CDKAL1: variants seen among roughly 807,000 people sequenced by gnomAD.
The protein encoded by CDKAL1 is threonylcarbamoyladenosine tRNA methylthiotransferase.
Under a neutral mutation model 68.2 loss-of-function variants are expected in CDKAL1, and 32 were observed. That is an observed-to-expected ratio of 0.47 (90% CI 0.35 to 0.63). The LOEUF (loss-of-function observed/expected upper bound fraction) is 0.63, where lower values mean the gene tolerates loss of function less well. Among genes scored for constraint, CDKAL1 ranks in the 30% least tolerant of loss-of-function variants. The probability of loss-of-function intolerance (pLI) is 0.00; values close to 1 mark genes in which losing one functional copy is unlikely to be tolerated. For missense variants in CDKAL1, 606 were observed against 696.7 expected (o/e 0.87, Z 1.47); for synonymous variants, 234 against 244.3 (o/e 0.96, Z 0.39).
chr6:20,984,844 G>A (rs1766366653), intron 10 of CDKAL1, among the ~76,000 whole-genome samples: 1 of 151,302 alleles, frequency 6.6e-6, no homozygotes, highest in South Asian at 2.1e-4. Context: ...GGGTGGTTTT[G>A]GAAAGGACAA....
At chr6:20,695,941 CCTT>C in intron 5 of CDKAL1, among the ~76,000 whole-genome samples, 1 of 152,302 alleles carries the variant, frequency 6.6e-6, no homozygotes, top group South Asian at 2.1e-4. Context: ...CCCCATTCCT[CCTT>C]TCTTCCAATC....
chr6:20,611,943 T>A, intron 4 of CDKAL1, among the ~76,000 whole-genome samples: 1 of 152,210 alleles, frequency 6.6e-6, no homozygotes, highest in East Asian at 1.9e-4. Flanking sequence ...TCTATTATTC[T>A]ATTCTCTACC....
At chr6:20,916,310 G>A (rs1762721810) in intron 9 of CDKAL1, among the ~76,000 whole-genome samples, 2 of 152,176 alleles carry the variant, frequency 1.3e-5, no homozygotes, top group Admixed American at 1.3e-4. Flanking sequence ...GGGAACCTGG[G>A]TGAAGAATGC....
intron 5 of CDKAL1, among the ~76,000 whole-genome samples, chr6:20,705,030 G>T (rs1026264776): frequency 1.7e-4 from 26 of 152,212 alleles, no homozygotes; most frequent in African/African-American, 5.8e-4. Context: ...GGGGAGAATA[G>T]AAGTAGAATG....
chr6:20,772,695 T>A (rs950908907), intron 7 of CDKAL1: 1 of 152,234 alleles, frequency 6.6e-6, no homozygotes, highest in African/African-American at 2.4e-5. Context: ...CATCTTTCCA[T>A]GTTCTCTTCC....
At chr6:21,171,222 C>CT (rs1195938743) in intron 13 of CDKAL1, among the ~76,000 whole-genome samples, 3 of 151,704 alleles carry the variant, frequency 2.0e-5, no homozygotes, top group Non-Finnish European at 2.9e-5. Context: ...CAAGTTACTT[C>CT]TTTTTTTTGA....
At chr6:20,783,008 G>C (rs1215107035) in intron 8 of CDKAL1, among the ~76,000 whole-genome samples, 1 of 151,956 alleles carries the variant, frequency 6.6e-6, no homozygotes, top group East Asian at 1.9e-4. Flanking sequence ...TTGGCTCACT[G>C]CAACCTCTGC....
chr6:20,847,752 AAGAC>A (rs777578522), intron 9 of CDKAL1, among the ~76,000 whole-genome samples: 82 of 152,166 alleles, frequency 5.4e-4, no homozygotes, highest in Non-Finnish European at 9.6e-4. Context: ...AGAAAAAAAG[AAGAC>A]AGAACAGAAA....
chr6:20,589,599 G>A lies in CDKAL1; in HGVS notation c.286+40894G>A, dbSNP rs113256575. On this transcript the variant is annotated intron_variant, in intron 4 of 15. Coordinates refer to ENST00000274695, the MANE Select transcript of CDKAL1 (RefSeq NM_017774.3). ...GTTTGATTAGAAAATGATTCATTACGTGCCTTTCAGCTCTTTAGGAAAGTG... is the reference window on the plus strand; with the variant it reads ...GTTTGATTAGAAAATGATTCATTACATGCCTTTCAGCTCTTTAGGAAAGTG... 6.0e-3 allele frequency among the ~76,000 whole-genome samples: 909 copies of A among 152,242 alleles called. 8 individuals are homozygous for A. Among genetic ancestry groups the A allele is most frequent in the African/African-American group, 0.02 (842 of 41,532 alleles).
At chr6:20,596,213 T>C (rs545304425) in intron 4 of CDKAL1, among the ~76,000 whole-genome samples, 28 of 152,292 alleles carry the variant, frequency 1.8e-4, no homozygotes, top group Non-Finnish European at 3.2e-4. Context: ...TGCTGCCCTC[T>C]TCAGAGCCGG....
intron 15 of CDKAL1, among the ~76,000 whole-genome samples, chr6:21,205,600 G>C (rs528839459): frequency 3.0e-4 from 46 of 151,642 alleles, no homozygotes; most frequent in African/African-American, 9.7e-4. Flanking sequence ...GCCTGATCTC[G>C]GCTCACTGTA....
intron 13 of CDKAL1, among the ~76,000 whole-genome samples, chr6:21,165,913 A>C (rs1194421022): frequency 6.6e-6 from 1 of 152,206 alleles, no homozygotes; most frequent in Non-Finnish European, 1.5e-5. Flanking sequence ...TTCTGTGATT[A>C]GGAGGTGATT....
intron 4 of CDKAL1, among the ~76,000 whole-genome samples, chr6:20,619,638 G>A (rs1272498251): frequency 1.3e-5 from 2 of 151,990 alleles, no homozygotes; most frequent in Non-Finnish European, 2.9e-5. Context: ...AATTTGACTG[G>A]CAATTCTTCC....
intron 11 of CDKAL1, among the ~76,000 whole-genome samples, chr6:21,029,036 A>T (rs542957824): frequency 6.6e-6 from 1 of 151,818 alleles, no homozygotes; most frequent in South Asian, 2.1e-4. Context: ...GATGTCATTA[A>T]CCTCTCTTTT....
chr6:20,681,643 G>A (rs1486636613), intron 5 of CDKAL1, among the ~76,000 whole-genome samples: 7 of 152,142 alleles, frequency 4.6e-5, no homozygotes, highest in Admixed American at 4.6e-4. Flanking sequence ...AATGTTAGTA[G>A]ATGGTCTTGG....
intron 12 of CDKAL1, among the ~76,000 whole-genome samples, chr6:21,106,744 A>G (rs1582209826): frequency 6.6e-6 from 1 of 152,352 alleles, no homozygotes; most frequent in Non-Finnish European, 1.5e-5. Context: ...ACTATTTGAC[A>G]TAAGGAACTT....
chr6:20,992,208 A>ATATATATATATATATATGTATG (rs200094831), intron 10 of CDKAL1, among the ~76,000 whole-genome samples: 18 of 144,558 alleles, frequency 1.2e-4, no homozygotes, highest in African/African-American at 5.1e-4. Context: ...ATATATATAT[A>ATATATATATATATATATGTATG]TATGTATTTT....
At chr6:20,654,720 C>G (rs1169407067) in intron 5 of CDKAL1, among the ~76,000 whole-genome samples, 4 of 152,070 alleles carry the variant, frequency 2.6e-5, no homozygotes, top group Admixed American at 6.6e-5. Context: ...TCTATTCTTT[C>G]TTCTTTTATC....
At position 21,198,029 on chromosome 6, in the gene CDKAL1, A is replaced by C. The variant is rs1778539510; in HGVS notation, c.1308A>C (p.Glu436Asp). 6.3e-7 allele frequency: 1 copy of C among 1,599,186 alleles called. No individual in the cohort carries two copies. The highest frequency in any genetic ancestry group is 1.7e-5 in the Admixed American group (1 of 58,772). Reference sequence around the variant, plus strand: ...TCCCCTTCTCTCCACAGATTGGTGAAAGACAACAAGTGTTAGTAACAGAAG... The same window carrying C: ...TCCCCTTCTCTCCACAGATTGGTGACAGACAACAAGTGTTAGTAACAGAAG... ...SYSPYDHKIG[E>D]RQQVLVTEES... is the part of the protein sequence containing the mutation. Residue 436 changes from glutamate to aspartate, a missense_variant, in exon 14 of 16, where the codon GAA (glutamate) becomes GAC (aspartate). Coordinates refer to ENST00000274695, the MANE Select transcript of CDKAL1 (RefSeq NM_017774.3).
Sources: gnomAD v4.1 joint callset for allele counts (sites outside exome capture counted in the v4.1 genomes callset) on GRCh38, gnomAD v4.1.1 for gene constraint, MANE v1.5 for transcripts, NCBI Gene and HGNC (gene_info 2026-07-23, HGNC 2026-07-21) for gene names.